ROR1: variants seen among roughly 807,000 people sequenced by gnomAD.
The protein encoded by ROR1 is ROR family WNT receptor 1, also known as inactive tyrosine-protein kinase transmembrane receptor ROR1.
In ROR1, 19 loss-of-function variants were observed where a neutral mutation model predicts 78.8. The observed-to-expected ratio is 0.24, with a 90% CI of 0.17 to 0.35. The LOEUF is 0.35. Among genes scored for constraint, ROR1 ranks in the 10% least tolerant of loss-of-function variants. The pLI, the probability that ROR1 is intolerant of heterozygous loss-of-function variation, is 1.00. For synonymous variants in ROR1, 386 were observed against 433.6 expected (o/e 0.89, Z 1.36); for missense variants, 917 against 1,177.8 (o/e 0.78, Z 3.24).
chr1:63,928,755 A>G (rs1645728061), intron 1 of ROR1, among the ~76,000 whole-genome samples: 1 of 152,184 alleles, frequency 6.6e-6, no homozygotes. Flanking sequence ...TACCTACTAG[A>G]ATTGTTTCAA....
intron 1 of ROR1, among the ~76,000 whole-genome samples, chr1:63,969,466 T>A (rs1456776334): frequency 6.6e-6 from 1 of 152,144 alleles, no homozygotes; most frequent in Non-Finnish European, 1.5e-5. Flanking sequence ...AGCTATGGAC[T>A]CATAGCACTG....
Position 64,128,974 on chromosome 1 carries a change from A to G in ROR1, c.483-8395A>G, listed in dbSNP as rs78640325. 5.7e-3 allele frequency among the ~76,000 whole-genome samples: 862 copies of G among 152,320 alleles called. 3 individuals carry two copies. Among genetic ancestry groups the G allele is most frequent in the Non-Finnish European group, 7.0e-3 (475 of 68,030 alleles). On this transcript the variant is annotated intron_variant, in intron 4 of 8. Coordinates refer to ENST00000371079, the MANE Select transcript of ROR1 (RefSeq NM_005012.4). Reference sequence around the variant, plus strand: ...ATCTGTGCATTACAAATTAATCATTATTTTAATGTGAATTGCTGCTTCTGC... The same window carrying G: ...ATCTGTGCATTACAAATTAATCATTGTTTTAATGTGAATTGCTGCTTCTGC...
chr1:63,872,772 T>C (rs1481104401), intron 1 of ROR1, among the ~76,000 whole-genome samples: 1 of 152,172 alleles, frequency 6.6e-6, no homozygotes, highest in Non-Finnish European at 1.5e-5. Flanking sequence ...ACAAATGGTT[T>C]TTGGATTGTC....
Position 64,178,837 on chromosome 1 carries a change from G to A in ROR1, c.2796G>A (p.Met932Ile), listed in dbSNP as rs1275647041. The A allele has an allele frequency of 6.2e-7, 1 of 1,613,134 alleles. No individual in the cohort carries two copies. The highest frequency in any genetic ancestry group is 2.2e-5 in the East Asian group (1 of 44,870). ...ATATTCATGGACACACCGAATCTAT[G>A]ATTTCTGCAGAACTGTAAAATGCAC... ...DANIHGHTES[M>I]ISAEL The change falls in exon 9 of 9, where the codon ATG becomes ATA. Residue 932 changes from methionine to isoleucine, a missense_variant. Met to Ile is a conservative substitution (Grantham distance 10). Coordinates refer to ENST00000371079, the MANE Select transcript of ROR1 (RefSeq NM_005012.4). The surrounding 1 kb of genome is among the most constrained non-coding windows in gnomAD (Gnocchi z 4.3).
At chr1:63,887,069 A>G (rs1440187109) in intron 1 of ROR1, among the ~76,000 whole-genome samples, 1 of 152,218 alleles carries the variant, frequency 6.6e-6, no homozygotes, top group Admixed American at 6.5e-5. Flanking sequence ...CCACCTGGGC[A>G]GGTCAGACCA....
chr1:64,049,666 A>G (rs763508841), intron 2 of ROR1, 25 bp from the exon 3 acceptor site: 4 of 1,603,808 alleles, frequency 2.5e-6, no homozygotes, highest in Non-Finnish European at 3.4e-6. Flanking sequence ...TGCCCCTCTC[A>G]CCTGCCTCCT....
intron 1 of ROR1, among the ~76,000 whole-genome samples, chr1:63,992,538 G>A (rs1271067534): frequency 6.6e-6 from 1 of 152,106 alleles, no homozygotes; most frequent in African/African-American, 2.4e-5. Flanking sequence ...TTCTGCTCAG[G>A]GTATTTGTGC....
At chr1:64,001,558 A>C (rs906610133) in intron 1 of ROR1, among the ~76,000 whole-genome samples, 14 of 152,072 alleles carry the variant, frequency 9.2e-5, no homozygotes, top group African/African-American at 3.4e-4. Flanking sequence ...AAACTGGGTG[A>C]AGGGTGCAGA....
chr1:64,051,769 A>T (rs1646835275), intron 4 of ROR1, among the ~76,000 whole-genome samples: 1 of 152,236 alleles, frequency 6.6e-6, no homozygotes, highest in Non-Finnish European at 1.5e-5. Context: ...CTCTACAAAA[A>T]AAAATCCTCA....
chr1:64,169,443 A>G (rs938986936), intron 8 of ROR1, among the ~76,000 whole-genome samples: 2 of 152,088 alleles, frequency 1.3e-5, no homozygotes, highest in African/African-American at 4.8e-5. Flanking sequence ...CTCTCATGAG[A>G]CTTATTCACT....
intron 4 of ROR1, among the ~76,000 whole-genome samples, chr1:64,134,214 A>G (rs1413722097): frequency 2.0e-5 from 3 of 152,088 alleles, no homozygotes; most frequent in African/African-American, 4.8e-5. Flanking sequence ...ACCTTTTTTT[A>G]TAAGATTGTT....
chr1:64,019,587 T>G (rs985532222), intron 2 of ROR1, among the ~76,000 whole-genome samples: 1 of 152,222 alleles, frequency 6.6e-6, no homozygotes, highest in African/African-American at 2.4e-5. Context: ...CTTATGGACA[T>G]CGGGAGTAAC....
At chr1:64,015,955 C>G (rs1646517421) in intron 2 of ROR1, among the ~76,000 whole-genome samples, 1 of 152,120 alleles carries the variant, frequency 6.6e-6, no homozygotes, top group African/African-American at 2.4e-5. Flanking sequence ...AAATATAAAT[C>G]TCATCACAGT....
chr1:64,093,003 A>T (rs1372923266), intron 4 of ROR1, among the ~76,000 whole-genome samples: 2 of 152,184 alleles, frequency 1.3e-5, no homozygotes, highest in Non-Finnish European at 2.9e-5. Context: ...CTGTTTTAGT[A>T]AGGGTGACCA....
At chr1:64,089,324 C>T (rs1195423964) in intron 4 of ROR1, among the ~76,000 whole-genome samples, 1 of 152,068 alleles carries the variant, frequency 6.6e-6, no homozygotes, top group Non-Finnish European at 1.5e-5. Context: ...ATCCTCCCAC[C>T]TCAGCCTCCC....
At chr1:63,905,955 G>T (rs1342774350) in intron 1 of ROR1, among the ~76,000 whole-genome samples, 1 of 152,044 alleles carries the variant, frequency 6.6e-6, no homozygotes, top group African/African-American at 2.4e-5. Flanking sequence ...ATAGATCAGG[G>T]AATATCATAA....
intron 1 of ROR1, among the ~76,000 whole-genome samples, chr1:63,805,272 G>A (rs1242945465): frequency 6.6e-6 from 1 of 152,218 alleles, no homozygotes; most frequent in Non-Finnish European, 1.5e-5. Flanking sequence ...TTGGCCGTGG[G>A]TGTAGCCCGG....
intron 4 of ROR1, chr1:64,094,569 T>TTTTTGTTTTGTTTTG (rs147122412): frequency 1.5e-4 from 23 of 151,112 alleles, no homozygotes; most frequent in African/African-American, 5.7e-4. Context: ...TGTTTTGTTG[T>TTTTTGTTTTGTTTTG]TTTTGTTTTG....
At chr1:63,781,510 G>A (rs1644651167) in intron 1 of ROR1, among the ~76,000 whole-genome samples, 1 of 152,214 alleles carries the variant, frequency 6.6e-6, no homozygotes, top group Non-Finnish European at 1.5e-5. Flanking sequence ...ACACCAATGA[G>A]CAGATGTGGT....
Sources: allele counts gnomAD v4.1 joint callset (sites outside exome capture counted in the v4.1 genomes callset), GRCh38; gene constraint gnomAD v4.1.1; non-coding constraint Gnocchi (gnomAD v3.1); transcripts MANE v1.5; gene names NCBI Gene and HGNC (gene_info 2026-07-23, HGNC 2026-07-21).